The following RIBC2 variants were observed in gnomAD, a reference collection of about 807,000 sequenced individuals.
The protein encoded by RIBC2 is RIB43A domain with coiled-coils 2, also known as RIB43A-like with coiled-coils protein 2.
Under a neutral mutation model 44.3 loss-of-function variants are expected in RIBC2, and 40 were observed. The observed-to-expected ratio is 0.90, with a 90% CI of 0.70 to 1.18. RIBC2 has a LOEUF of 1.18. Ranked by LOEUF, RIBC2 falls within the 50% of genes most tolerant of loss-of-function variation. RIBC2 has a pLI of 0.00. For synonymous variants in RIBC2, 171 were observed against 175.0 expected (o/e 0.98, Z 0.18); for missense variants, 459 against 485.5 (o/e 0.95, Z 0.51).
At chr22:45,418,021 TAAGCAACCCTACAG>T in intron 3 of RIBC2, 75 bp downstream of exon 3, 5 of 924,732 alleles carry the variant, frequency 5.4e-6, no homozygotes, top group Non-Finnish European at 6.2e-6. Flanking sequence ...TTTTTTTTTT[TAAGCAACCCTACAG>T]TTTTTTTTTT....
In RIBC2 at chr22:45,413,921, G is replaced by T; in HGVS notation, c.35G>T (p.Arg12Met). ...CAGACCATGGCGGTGGCGCTGCCCA[G>T]GGACTTGCGGCAGGACGCCAACCTG... ...GSQTMAVALP[R>M]DLRQDANLAK... Residue 12 changes from arginine to methionine, a missense_variant, in exon 1 of 7, where the codon AGG (arginine) becomes ATG (methionine). Arg to Met is a moderately conservative substitution (Grantham distance 91). Transcript: ENST00000614167. 1.3e-6 allele frequency: 2 copies of T among 1,551,714 alleles called. No individual in the cohort carries two copies. The highest frequency in any genetic ancestry group is 8.7e-7 in the Non-Finnish European group (1 of 1,146,982).
In RIBC2 at chr22:45,422,515, C is replaced by G. The variant is rs549017881; in HGVS notation, c.675+107C>G. 8.7e-6 allele frequency: 7 copies of G among 808,004 alleles called. No homozygotes were observed. The African/African-American group carries it at 1.0e-4, about 12-fold the overall frequency. 50.1% of individuals were successfully genotyped at this position (808,004 alleles called of 1,614,324 possible). A position where few individuals can be genotyped will look rare whatever the true frequency, so the allele number is the denominator to read the frequency against. ...CCTGGGATCCCAGTCTCAGCCTGCT[C>G]CCTGGTCACATGACCGGCCCTGACA... is the stretch of plus-strand genomic sequence containing the variant. On this transcript the variant is annotated intron_variant, in intron 4 of 6. Coordinates refer to ENST00000614167, the MANE Select transcript of RIBC2 (RefSeq NM_015653.5).
intron 2 of RIBC2, among the ~76,000 whole-genome samples, chr22:45,416,078 T>G (rs929742324): frequency 2.6e-5 from 4 of 152,256 alleles, no homozygotes; most frequent in Non-Finnish European, 5.9e-5. Context: ...TTTTTAAAAT[T>G]TATGTAAATG....
chr22:45,419,759 G>T (rs868835184), intron 3 of RIBC2, among the ~76,000 whole-genome samples: 35 of 152,122 alleles, frequency 2.3e-4, no homozygotes, highest in African/African-American at 7.9e-4. Flanking sequence ...GGGCACAGTG[G>T]CTCATGCCTG....
intron 5 of RIBC2, among the ~76,000 whole-genome samples, chr22:45,428,160 C>T (rs868213262): frequency 3.9e-5 from 6 of 152,220 alleles, no homozygotes; most frequent in African/African-American, 7.2e-5. Context: ...TCAGGCTAAA[C>T]GCTGGATCCA....
rs1464065720 is a variant in RIBC2, at chr22:45,422,308, C to T, written c.575C>T (p.Thr192Ile). 1 of 1,614,106 alleles carries T rather than the reference C, an allele frequency of 6.2e-7. No homozygotes were observed. ...QKCAEALYTE[T>I]RLQFDETAKH... ...CTTTCAGAGGCCCTCTACACAGAGA[C>T]AAGGCTGCAGTTTGACGAGACAGCC... Residue 192 changes from threonine to isoleucine, a missense_variant, in exon 4 of 7, where the codon ACA (threonine) becomes ATA (isoleucine). Coordinates refer to ENST00000614167, the MANE Select transcript of RIBC2 (RefSeq NM_015653.5).
At chr22:45,419,200 C>A (rs2087454098) in intron 3 of RIBC2, among the ~76,000 whole-genome samples, 1 of 152,140 alleles carries the variant, frequency 6.6e-6, no homozygotes, top group South Asian at 2.1e-4. Context: ...TGGACTCTTC[C>A]CTGAATCCAG....
intron 3 of RIBC2, among the ~76,000 whole-genome samples, chr22:45,418,599 G>A (rs964684756): frequency 1.1e-4 from 17 of 152,274 alleles, no homozygotes; most frequent in African/African-American, 3.9e-4. Flanking sequence ...TAACGAAGAC[G>A]ACAACATCCC....
At chr22:45,423,451 C>G (rs1258111653) in intron 4 of RIBC2, among the ~76,000 whole-genome samples, 1 of 152,180 alleles carries the variant, frequency 6.6e-6, no homozygotes, top group Non-Finnish European at 1.5e-5. Flanking sequence ...TGTGGGAGAG[C>G]AGATACCAGA....
intron 4 of RIBC2, among the ~76,000 whole-genome samples, chr22:45,423,361 G>A (rs1028722139): frequency 2.6e-5 from 4 of 151,970 alleles, no homozygotes; most frequent in Non-Finnish European, 4.4e-5. Context: ...TTTCTGGTGG[G>A]TGGGGACTTT....
At chr22:45,428,703 G>A (rs902149762) in intron 5 of RIBC2, among the ~76,000 whole-genome samples, 3 of 152,152 alleles carry the variant, frequency 2.0e-5, no homozygotes, top group Non-Finnish European at 2.9e-5. Flanking sequence ...GAGCAGGGCC[G>A]GGGGGAGTTA....
At position 45,415,861 on chromosome 22, in the gene RIBC2, G is replaced by T. The variant is rs559209119; in HGVS notation, c.211+1458G>T. The stretch of plus-strand genomic sequence containing the variant: ...ATTACAGGTGCACACCACCATGCTG[G>T]GCTGATTTTTGTATTTTTAGTAGAG... On this transcript the variant is annotated intron_variant, in intron 2 of 6. Transcript: ENST00000614167. Among the ~76,000 whole-genome samples, 10 of 152,116 alleles carry T rather than the reference G, an allele frequency of 6.6e-5. No homozygotes were observed. In the South Asian group the frequency reaches 2.1e-3, roughly 32 times the overall value.
At chr22:45,425,905 G>T (rs1349857601) in intron 4 of RIBC2, 43 bp from the exon 5 acceptor site, 2 of 1,541,442 alleles carry the variant, frequency 1.3e-6, no homozygotes, top group East Asian at 2.3e-5. Flanking sequence ...GAATGCCCCT[G>T]GGGTCACTCG....
Position 45,413,701 on chromosome 22 carries a change from C to A in RIBC2, c.-186C>A. The A allele has an allele frequency of 8.6e-7, 1 of 1,168,114 alleles. No homozygotes were observed. Among genetic ancestry groups the A allele is most frequent in the Non-Finnish European group, 1.2e-6 (1 of 821,566 alleles). The allele number at this position is 1,168,114 out of a possible 1,614,324, so 72.4% of individuals were successfully genotyped here. On this transcript the variant is annotated 5_prime_UTR_variant, in exon 1 of 7. Transcript: ENST00000614167. ...CCGTTCCTTAGCAACGAGTTGTTGA[C>A]ATTTCCGAGAGAGCGGGAGCGTCTG...
At chr22:45,427,756 T>C (rs2087546720) in intron 5 of RIBC2, among the ~76,000 whole-genome samples, 1 of 152,196 alleles carries the variant, frequency 6.6e-6, no homozygotes, top group African/African-American at 2.4e-5. Context: ...TGCCTCAGCC[T>C]CCCCAGTAGT....
chr22:45,430,076 C>T (rs538146112), intron 5 of RIBC2, among the ~76,000 whole-genome samples: 10 of 152,154 alleles, frequency 6.6e-5, no homozygotes, highest in African/African-American at 1.2e-4. Flanking sequence ...GGCTTTACAG[C>T]GGGGGACACT....
chr22:45,417,760 A>G lies in RIBC2; in HGVS notation c.370A>G (p.Lys124Glu), dbSNP rs142282889. ...EFDLSDPLALKKDLPARQSDN... is the reference protein window; with the variant it reads ...EFDLSDPLALEKDLPARQSDN... ...TGATCTGTCCGACCCCCTAGCCCTT[A>G]AGAAAGATCTTCCAGCCCGGCAGTC... is the stretch of plus-strand genomic sequence containing the variant. The change falls in exon 3 of 7, where the codon AAG (lysine) becomes GAG (glutamate). Residue 124 changes from lysine (K) to glutamate (E), a missense_variant. Lys to Glu is a moderately conservative substitution (Grantham distance 56). Transcript: ENST00000614167. 1.6e-3 allele frequency: 2,544 copies of G among 1,614,206 alleles called. 6 individuals are homozygous for G. The highest frequency in any genetic ancestry group is 1.7e-3 in the Non-Finnish European group (2,063 of 1,180,036).
chr22:45,418,632 G>A (rs181271865), intron 3 of RIBC2, among the ~76,000 whole-genome samples: 3 of 152,270 alleles, frequency 2.0e-5, no homozygotes, highest in East Asian at 1.9e-4. Context: ...GTGTGTCAGC[G>A]GGTGATGGAA....
chr22:45,424,087 G>A (rs2087511251), intron 4 of RIBC2, among the ~76,000 whole-genome samples: 1 of 151,872 alleles, frequency 6.6e-6, no homozygotes, highest in Admixed American at 6.6e-5. Flanking sequence ...ATGTTTAATG[G>A]GCATCCACAG....
Sources: gnomAD v4.1 joint callset for allele counts (sites outside exome capture counted in the v4.1 genomes callset) on GRCh38, gnomAD v4.1.1 for gene constraint, MANE v1.5 for transcripts, NCBI Gene and HGNC (gene_info 2026-07-23, HGNC 2026-07-21) for gene names.